NDUFAF2: variants seen among roughly 807,000 people sequenced by gnomAD.
NDUFAF2 encodes the protein NADH dehydrogenase [ubiquinone] 1 alpha subcomplex assembly factor 2.
Under a neutral mutation model 22.8 loss-of-function variants are expected in NDUFAF2, and 13 were observed. The observed-to-expected ratio is 0.57, with a 90% CI of 0.37 to 0.91. NDUFAF2 has a LOEUF of 0.91. Among genes scored for constraint, NDUFAF2 ranks in the 40% least tolerant of loss-of-function variants. The pLI, the probability that NDUFAF2 is intolerant of heterozygous loss-of-function variation, is 0.01. For missense variants in NDUFAF2, 162 were observed against 195.2 expected (o/e 0.83, Z 1.01); for synonymous variants, 53 against 64.2 (o/e 0.83, Z 0.84).
chr5:60,962,222 A>G (rs1012468110), intron 1 of NDUFAF2, among the ~76,000 whole-genome samples: 1 of 151,446 alleles, frequency 6.6e-6, no homozygotes, highest in Non-Finnish European at 1.5e-5. Flanking sequence ...AGGTTTTCTG[A>G]CAAAACTATG....
intron 3 of NDUFAF2, among the ~76,000 whole-genome samples, chr5:61,131,887 T>TG (rs35844717): frequency 0.63 from 94,989 of 151,904 alleles, 30,514 homozygotes; most frequent in East Asian, 0.94. Context: ...TGTAGATTTC[T>TG]GTTGTTTACA....
intron 3 of NDUFAF2, among the ~76,000 whole-genome samples, chr5:61,135,608 T>G (rs1009918398): frequency 3.3e-5 from 5 of 152,156 alleles, no homozygotes; most frequent in African/African-American, 1.2e-4. Context: ...TCCTCAGTTA[T>G]TGAATCACAA....
intron 1 of NDUFAF2, among the ~76,000 whole-genome samples, chr5:61,031,433 G>T (rs1052176456): frequency 1.3e-5 from 2 of 152,038 alleles, no homozygotes; most frequent in Non-Finnish European, 2.9e-5. Flanking sequence ...GTGTTAGTTT[G>T]CTGAGAATGA....
intron 3 of NDUFAF2, chr5:61,146,338 T>G (rs1422672939): frequency 2.6e-5 from 4 of 152,172 alleles, no homozygotes; most frequent in Non-Finnish European, 5.9e-5. Flanking sequence ...AAACCTCTGG[T>G]GTTTTTCCTC....
At chr5:61,135,384 T>C (rs1368745120) in intron 3 of NDUFAF2, among the ~76,000 whole-genome samples, 2 of 152,172 alleles carry the variant, frequency 1.3e-5, no homozygotes, top group East Asian at 3.8e-4. Context: ...CAAAAGGATA[T>C]AGGAGCCAAC....
chr5:60,951,013 A>G (rs1750538489), intron 1 of NDUFAF2, among the ~76,000 whole-genome samples: 1 of 151,914 alleles, frequency 6.6e-6, no homozygotes, highest in Non-Finnish European at 1.5e-5. Context: ...TTGTGGCATA[A>G]TAGCTCCTTT....
At chr5:61,087,872 G>T (rs1460743805) in intron 2 of NDUFAF2, among the ~76,000 whole-genome samples, 2 of 152,158 alleles carry the variant, frequency 1.3e-5, no homozygotes, top group South Asian at 4.1e-4. Context: ...TTTTATTGCT[G>T]TATGTCAACA....
intron 1 of NDUFAF2, among the ~76,000 whole-genome samples, chr5:60,993,154 C>T (rs1200113407): frequency 3.3e-5 from 5 of 152,228 alleles, no homozygotes; most frequent in South Asian, 2.1e-4. Flanking sequence ...TGCAGCAGGG[C>T]GGGCAGCTCC....
At chr5:60,974,499 A>T (rs1320504644) in intron 1 of NDUFAF2, among the ~76,000 whole-genome samples, 2 of 151,984 alleles carry the variant, frequency 1.3e-5, no homozygotes, top group South Asian at 2.1e-4. Context: ...ATATACCTCC[A>T]TCCTATTAGT....
At chr5:61,039,143 CAAA>C (rs36065069) in intron 1 of NDUFAF2, among the ~76,000 whole-genome samples, 2 of 82,500 alleles carry the variant, frequency 2.4e-5, no homozygotes, top group African/African-American at 4.9e-5. Context: ...GCTGACAGGC[CAAA>C]AAAAAAAAAA....
chr5:61,040,078 G>C (rs1425728149), intron 1 of NDUFAF2, among the ~76,000 whole-genome samples: 2 of 151,930 alleles, frequency 1.3e-5, no homozygotes, highest in Non-Finnish European at 2.9e-5. Context: ...CCTCATACAT[G>C]GTCAATATAG....
At chr5:61,052,546 G>C (rs893041701) in intron 1 of NDUFAF2, among the ~76,000 whole-genome samples, 6 of 152,066 alleles carry the variant, frequency 3.9e-5, no homozygotes, top group African/African-American at 1.4e-4. Flanking sequence ...TCCTGACCTC[G>C]TGATCCGCCC....
At chr5:61,003,826 TTTTA>T (rs1176033610) in intron 1 of NDUFAF2, among the ~76,000 whole-genome samples, 1 of 151,630 alleles carries the variant, frequency 6.6e-6, no homozygotes, top group Non-Finnish European at 1.5e-5. Flanking sequence ...CCTGGCTATT[TTTTA>T]TTTATTTATT....
chr5:61,112,834 C>T (rs1214147626), intron 3 of NDUFAF2, among the ~76,000 whole-genome samples: 1 of 148,336 alleles, frequency 6.7e-6, no homozygotes, highest in Non-Finnish European at 1.5e-5. Flanking sequence ...TCCTTTCTTC[C>T]TGTCTCCCTT....
chr5:61,049,831 A>T (rs1752000766), intron 1 of NDUFAF2, among the ~76,000 whole-genome samples: 1 of 151,182 alleles, frequency 6.6e-6, no homozygotes, highest in African/African-American at 2.4e-5. Flanking sequence ...CATATATATA[A>T]ATACACACAT....
chr5:61,039,261 A>T (rs1580107621), intron 1 of NDUFAF2, among the ~76,000 whole-genome samples: 1 of 152,196 alleles, frequency 6.6e-6, no homozygotes, highest in East Asian at 1.9e-4. Context: ...ACTGTTGAAA[A>T]AAAGAGATGG....
chr5:60,963,836 ATG>A (rs1750721021), intron 1 of NDUFAF2, among the ~76,000 whole-genome samples: 1 of 152,162 alleles, frequency 6.6e-6, no homozygotes, highest in Non-Finnish European at 1.5e-5. Context: ...GAAATCTTAA[ATG>A]TGATGGTTAG....
chr5:60,957,965 A>G (rs1750638647), intron 1 of NDUFAF2, among the ~76,000 whole-genome samples: 1 of 152,018 alleles, frequency 6.6e-6, no homozygotes. Flanking sequence ...GCATTTTTGA[A>G]TTTTTTGGAC....
At chr5:61,136,554 AT>A (rs1442978954) in intron 3 of NDUFAF2, among the ~76,000 whole-genome samples, 2 of 152,114 alleles carry the variant, frequency 1.3e-5, no homozygotes, top group African/African-American at 2.4e-5. Context: ...CCCGTCTTGA[AT>A]TTCCTTCCCC....
Sources: gnomAD v4.1 joint callset for allele counts (sites outside exome capture counted in the v4.1 genomes callset) on GRCh38, gnomAD v4.1.1 for gene constraint, MANE v1.5 for transcripts, NCBI Gene and HGNC (gene_info 2026-07-23, HGNC 2026-07-21) for gene names.